CHMP4C: variants seen among roughly 807,000 people sequenced by gnomAD.
The protein encoded by CHMP4C is charged multivesicular body protein 4C, also known as SNF7 homolog associated with Alix 3.
CHMP4C carries 28 observed loss-of-function variants against 29.0 expected under a neutral mutation model. The observed-to-expected ratio is 0.97, with a 90% confidence interval of 0.72 to 1.32. The LOEUF (loss-of-function observed/expected upper bound fraction) is 1.32. Among genes scored for constraint, CHMP4C ranks in the 40% most tolerant of loss-of-function variants. The pLI, the probability that CHMP4C is intolerant of heterozygous loss-of-function variation, is 0.00. For missense variants in CHMP4C, 291 were observed against 281.0 expected (o/e 1.04, Z -0.25); for synonymous variants, 106 against 102.4 (o/e 1.04, Z -0.21).
intron 1 of CHMP4C, among the ~76,000 whole-genome samples, chr8:81,733,150 TC>T (rs767652871): frequency 6.6e-6 from 1 of 152,248 alleles, no homozygotes; most frequent in Non-Finnish European, 1.5e-5. Flanking sequence ...TTGATTTTTT[TC>T]ATTTGCCTCT....
intron 1 of CHMP4C, among the ~76,000 whole-genome samples, chr8:81,745,454 G>T (rs925409819): frequency 6.6e-6 from 1 of 152,092 alleles, no homozygotes; most frequent in African/African-American, 2.4e-5. Flanking sequence ...CCACCCCAAA[G>T]GAACGAAGAA....
chr8:81,755,550 T>C (rs1053732013), intron 3 of CHMP4C, 66 bp downstream of exon 3: 2 of 863,398 alleles, frequency 2.3e-6, no homozygotes, highest in African/African-American at 1.7e-5. Context: ...CTGTCATATA[T>C]AGTAGGCATG....
At chr8:81,737,934 A>G (rs1808714921) in intron 1 of CHMP4C, among the ~76,000 whole-genome samples, 1 of 152,250 alleles carries the variant, frequency 6.6e-6, no homozygotes, top group African/African-American at 2.4e-5. Flanking sequence ...GGCCTTTCAC[A>G]TATTTTATGA....
chr8:81,755,517 T>C, intron 3 of CHMP4C, 33 bp downstream of exon 3: 1 of 1,302,858 alleles, frequency 7.7e-7, no homozygotes, highest in Non-Finnish European at 1.1e-6. Context: ...TGCAGGATTG[T>C]GGCTGCTATA....
chr8:81,739,421 G>GA (rs1233571297), intron 1 of CHMP4C, among the ~76,000 whole-genome samples: 2 of 140,834 alleles, frequency 1.4e-5, no homozygotes, highest in African/African-American at 5.5e-5. Flanking sequence ...GGGATTGTGG[G>GA]GGGGGGTGGA....
At chr8:81,757,941 T>C (rs2130499929) in intron 3 of CHMP4C, among the ~76,000 whole-genome samples, 1 of 152,304 alleles carries the variant, frequency 6.6e-6, no homozygotes, top group South Asian at 2.1e-4. Flanking sequence ...GAAGATTAAC[T>C]ACAACAAATT....
At chr8:81,754,648 T>C (rs1439196848) in intron 2 of CHMP4C, among the ~76,000 whole-genome samples, 1 of 152,098 alleles carries the variant, frequency 6.6e-6, no homozygotes, top group Non-Finnish European at 1.5e-5. Context: ...TAAGCTACTA[T>C]AGAAACATAC....
rs1306539299 is a variant in CHMP4C, at chr8:81,752,955, G to A, written c.191-109G>A. On this transcript the variant is annotated intron_variant, in intron 1 of 4. Transcript: ENST00000297265. ...TTCTCAGGTTTATTTTGGTATACTC[G>A]TTGTCCTTAGTTATCAGAAGGTCTA... 11 of 827,988 alleles carry A rather than the reference G, an allele frequency of 1.3e-5. No individual in the cohort carries two copies. The South Asian group carries it at 1.4e-4, about 11-fold the overall frequency. 51.3% of individuals were successfully genotyped at this position (827,988 alleles called of 1,614,324 possible).
rs1226382244 is a variant in CHMP4C at position 81,753,232 on chromosome 8, A to G, written c.359A>G (p.His120Arg). 1.2e-6 allele frequency: 2 copies of G among 1,601,558 alleles called. No homozygotes were observed. The change falls in exon 2 of 5, where the codon CAT becomes CGT. Residue 120 changes from histidine (H) to arginine (R), a missense_variant. Transcript: ENST00000297265. ...GFAAKAMKSV[H>R]ENMDLNKIDD... ...GCAGCAAAAGCGATGAAATCTGTTC[A>G]TGAAAACATGTGAGTGACTCTGGTC...
intron 1 of CHMP4C, among the ~76,000 whole-genome samples, chr8:81,736,760 G>T (rs76392932): frequency 1.3e-3 from 200 of 152,264 alleles, no homozygotes; most frequent in African/African-American, 4.6e-3. Flanking sequence ...CTAGAGTTGG[G>T]ACTTCATTGA....
chr8:81,745,938 A>T (rs943078200), intron 1 of CHMP4C, among the ~76,000 whole-genome samples: 1 of 152,178 alleles, frequency 6.6e-6, no homozygotes, highest in Non-Finnish European at 1.5e-5. Flanking sequence ...TTTTGGCCAA[A>T]TCAGTAACAA....
intron 1 of CHMP4C, among the ~76,000 whole-genome samples, chr8:81,736,560 A>G (rs1397291161): frequency 6.6e-6 from 1 of 152,190 alleles, no homozygotes; most frequent in Non-Finnish European, 1.5e-5. Flanking sequence ...TGAATCTACT[A>G]GGTGTGTAAT....
intron 1 of CHMP4C, among the ~76,000 whole-genome samples, chr8:81,751,834 G>T (rs933105369): frequency 6.6e-6 from 1 of 151,974 alleles, no homozygotes; most frequent in Non-Finnish European, 1.5e-5. Context: ...GCGAAATATA[G>T]GTGTCTTTAA....
intron 1 of CHMP4C, among the ~76,000 whole-genome samples, chr8:81,742,193 A>G (rs1563619476): frequency 6.6e-6 from 1 of 152,112 alleles, no homozygotes; most frequent in Non-Finnish European, 1.5e-5. Context: ...AGCCCCCACT[A>G]CTATCACTCT....
rs145474094 is a variant in CHMP4C at position 81,756,819 on chromosome 8, G to T, written c.484-1323G>T. On this transcript the variant is annotated intron_variant, in intron 3 of 4. Coordinates refer to ENST00000297265, the MANE Select transcript of CHMP4C (RefSeq NM_152284.4). ...TTGTTCTGCCATTACTATATTTATG[G>T]TATTTGTCCCTGATTGTTTTGTGAG... Among the ~76,000 whole-genome samples, 10 of 152,192 alleles carry T rather than the reference G, an allele frequency of 6.6e-5. No homozygotes were observed. The East Asian group carries it at 1.7e-3, about 26-fold the overall frequency.
intron 1 of CHMP4C, among the ~76,000 whole-genome samples, chr8:81,741,358 G>T (rs1808759903): frequency 6.6e-6 from 1 of 152,060 alleles, no homozygotes; most frequent in East Asian, 1.9e-4. Context: ...GTTAGAAAAG[G>T]TATTACTAAC....
chr8:81,751,323 A>C (rs1808900217), intron 1 of CHMP4C, among the ~76,000 whole-genome samples: 1 of 152,118 alleles, frequency 6.6e-6, no homozygotes, highest in African/African-American at 2.4e-5. Context: ...AATTGTGTCT[A>C]TGAAGCTTAG....
intron 1 of CHMP4C, among the ~76,000 whole-genome samples, chr8:81,739,053 A>G (rs1808727275): frequency 6.6e-6 from 1 of 151,028 alleles, no homozygotes; most frequent in Non-Finnish European, 1.5e-5. Flanking sequence ...ATTGGATGAA[A>G]TATCTATCCA....
chr8:81,754,023 G>C (rs1365023829), intron 2 of CHMP4C, among the ~76,000 whole-genome samples: 3 of 152,088 alleles, frequency 2.0e-5, no homozygotes, highest in Non-Finnish European at 2.9e-5. Context: ...AGTGGAACCT[G>C]GGGCAAGGAT....
Sources: gnomAD v4.1 joint callset for allele counts (sites outside exome capture counted in the v4.1 genomes callset) on GRCh38, gnomAD v4.1.1 for gene constraint, MANE v1.5 for transcripts, NCBI Gene and HGNC (gene_info 2026-07-23, HGNC 2026-07-21) for gene names.